The following SACM1L variants were observed in gnomAD, a reference collection of about 807,000 sequenced individuals.
The protein encoded by SACM1L is SAC1 like phosphatidylinositide phosphatase.
A neutral mutation model predicts 89.5 loss-of-function variants in SACM1L; 32 were observed. The observed-to-expected ratio is 0.36, with a 90% CI of 0.27 to 0.48. The LOEUF is 0.48. SACM1L is among the 20% of genes least tolerant of loss of function. SACM1L has a pLI of 0.99. For missense variants in SACM1L, 543 were observed against 708.5 expected (o/e 0.77, Z 2.65); for synonymous variants, 213 against 232.8 (o/e 0.92, Z 0.77).
intron 11 of SACM1L, among the ~76,000 whole-genome samples, chr3:45,731,034 G>T (rs1466092398): frequency 6.6e-6 from 1 of 152,204 alleles, no homozygotes; most frequent in Non-Finnish European, 1.5e-5. Flanking sequence ...CTGAGGAGGG[G>T]CTGGGTCAAG....
chr3:45,717,104 G>A (rs965068541), intron 7 of SACM1L, among the ~76,000 whole-genome samples: 1 of 152,204 alleles, frequency 6.6e-6, no homozygotes, highest in African/African-American at 2.4e-5. Flanking sequence ...AAAGGAAAGT[G>A]AATTGGGAGC....
chr3:45,721,890 C>A, intron 8 of SACM1L, 110 bp from the exon 9 acceptor site: 1 of 674,320 alleles, frequency 1.5e-6, no homozygotes, highest in Non-Finnish European at 2.5e-6. Flanking sequence ...ATGACTTTTC[C>A]ACTAACTTGA....
intron 13 of SACM1L, among the ~76,000 whole-genome samples, chr3:45,733,073 G>A (rs1373310283): frequency 6.6e-6 from 1 of 152,166 alleles, no homozygotes; most frequent in East Asian, 1.9e-4. Context: ...GAAAACATTG[G>A]CTGGCCCTGG....
At chr3:45,708,250 T>G (rs1007138209) in intron 4 of SACM1L, among the ~76,000 whole-genome samples, 3 of 152,154 alleles carry the variant, frequency 2.0e-5, no homozygotes, top group African/African-American at 7.2e-5. Flanking sequence ...ACAGGATCTG[T>G]TTTTGCTCGG....
Position 45,723,504 on chromosome 3 carries a change from C to T in SACM1L, c.882C>T (p.Ser294=). 6.6e-7 allele frequency: 1 copy of T among 1,506,522 alleles called. No individual in the cohort carries two copies. The highest frequency in any genetic ancestry group is 8.9e-7 in the Non-Finnish European group (1 of 1,119,030). 93.3% of individuals were successfully genotyped at this position (1,506,522 alleles called of 1,614,324 possible). The change falls in exon 11 of 20, where the codon TCC becomes TCT. Residue 294 remains serine (S), a synonymous_variant. Coordinates refer to ENST00000389061, the MANE Select transcript of SACM1L (RefSeq NM_014016.5). Reference sequence around the variant, plus strand: ...ACGGTTTCCAAAGGCATTTTGATTCCCAAGTAATTATTTATGGAAAACAAG... The same window carrying T: ...ACGGTTTCCAAAGGCATTTTGATTCTCAAGTAATTATTTATGGAAAACAAG... ...HMDGFQRHFD[S]QVIIYGKQVI...
At chr3:45,735,082 A>G (rs1699169968) in intron 13 of SACM1L, 153 bp from the exon 14 acceptor site, 2 of 680,142 alleles carry the variant, frequency 2.9e-6, no homozygotes, top group African/African-American at 1.8e-5. Flanking sequence ...TTGGTCTAGG[A>G]TAATCACATA....
At chr3:45,739,928 A>G (rs770219523) in intron 19 of SACM1L, 9 of 440,322 alleles carry the variant, frequency 2.0e-5, no homozygotes, top group Non-Finnish European at 3.3e-5. Context: ...TAGAGGCTTA[A>G]TTTGCCAAGG....
At chr3:45,711,575 A>G (rs1444892578) in intron 5 of SACM1L, among the ~76,000 whole-genome samples, 2 of 152,010 alleles carry the variant, frequency 1.3e-5, no homozygotes, top group Non-Finnish European at 2.9e-5. Flanking sequence ...TGCTGTCATC[A>G]CGCCACTGCA....
chr3:45,709,446 C>A, intron 4 of SACM1L, 52 bp from the exon 5 acceptor site: 1 of 1,457,982 alleles, frequency 6.9e-7, no homozygotes, highest in Non-Finnish European at 9.4e-7. Context: ...TTTTCTCATG[C>A]TGGCAGATTC....
intron 5 of SACM1L, 43 bp from the exon 6 acceptor site, chr3:45,713,094 G>T: frequency 6.7e-7 from 1 of 1,502,594 alleles, no homozygotes; most frequent in Middle Eastern, 1.7e-4. Flanking sequence ...TAGAAAGTAA[G>T]CTTGGCAGGA....
chr3:45,743,878 T>A lies in SACM1L; in HGVS notation c.*209T>A. The A allele has an allele frequency of 2.4e-6, 1 of 419,328 alleles. No homozygotes were observed. The highest frequency in any genetic ancestry group is 3.7e-5 in the East Asian group (1 of 27,074). 26.0% of individuals were successfully genotyped at this position (419,328 alleles called of 1,614,324 possible). A position where few individuals can be genotyped will look rare whatever the true frequency, so the allele number is the denominator to read the frequency against. ...CTATTGGGACAGTTAGATTTATAAT[T>A]TGAAGCTATTCTGTAATTAAAATAT... On this transcript the variant is annotated 3_prime_UTR_variant, in exon 20 of 20. Coordinates refer to ENST00000389061, the MANE Select transcript of SACM1L (RefSeq NM_014016.5).
At chr3:45,690,114 C>G (rs1697938243) in intron 1 of SACM1L, 1 of 152,226 alleles carries the variant, frequency 6.6e-6, no homozygotes, top group Admixed American at 6.5e-5. Context: ...AGGCTAATCT[C>G]GGTAATTTTG....
chr3:45,722,219 AGTTCACCCC>A, intron 9 of SACM1L, 134 bp downstream of exon 9: 1 of 606,376 alleles, frequency 1.6e-6, no homozygotes, highest in African/African-American at 1.9e-5. Flanking sequence ...GTGCAGAAAA[AGTTCACCCC>A]AAAAAAGGAA....
chr3:45,722,140 A>T lies in SACM1L; in HGVS notation c.765+55A>T, dbSNP rs181141393. 1.5e-4 allele frequency: 156 copies of T among 1,037,886 alleles called. No homozygotes were observed. In the African/African-American group the frequency reaches 1.6e-3, roughly 11 times the overall value. 64.3% of individuals were successfully genotyped at this position (1,037,886 alleles called of 1,614,324 possible). On this transcript the variant is annotated intron_variant, in intron 9 of 19. Coordinates refer to ENST00000389061, the MANE Select transcript of SACM1L (RefSeq NM_014016.5). ...CGAGTTGGCCTTTTCTGCTTGGATT[A>T]TAATTTTCTGTCATGTTGAAATTTC... is the stretch of plus-strand genomic sequence containing the variant.
intron 2 of SACM1L, among the ~76,000 whole-genome samples, chr3:45,704,136 TA>T (rs1698333895): frequency 6.6e-6 from 1 of 152,204 alleles, no homozygotes; most frequent in Non-Finnish European, 1.5e-5. Flanking sequence ...TCCAAATAGA[TA>T]AATACGAAAT....
intron 11 of SACM1L, among the ~76,000 whole-genome samples, chr3:45,724,076 A>G (rs1165613535): frequency 6.6e-6 from 1 of 152,066 alleles, no homozygotes. Flanking sequence ...TAATGTTGCT[A>G]TGAACATTGG....
Position 45,743,712 on chromosome 3 carries a change from G to A in SACM1L, c.*43G>A. On this transcript the variant is annotated 3_prime_UTR_variant, in exon 20 of 20. Transcript: ENST00000389061. ...GCGGCTTGGCTTGGAAGATTCCATTGTGCAGAACTGGAGTCTTTACTGACC... is the reference window on the plus strand; with the variant it reads ...GCGGCTTGGCTTGGAAGATTCCATTATGCAGAACTGGAGTCTTTACTGACC... 5.6e-6 allele frequency: 9 copies of A among 1,593,050 alleles called. No homozygotes were observed. Among genetic ancestry groups the A allele is most frequent in the Non-Finnish European group, 7.7e-6 (9 of 1,170,356 alleles).
At chr3:45,728,636 ATAAT>A (rs1698980695) in intron 11 of SACM1L, among the ~76,000 whole-genome samples, 1 of 152,156 alleles carries the variant, frequency 6.6e-6, no homozygotes, top group South Asian at 2.1e-4. Flanking sequence ...ACATCAATAT[ATAAT>A]TATTTTTATG....
intron 1 of SACM1L, among the ~76,000 whole-genome samples, chr3:45,700,384 C>T (rs982075890): frequency 6.6e-6 from 1 of 152,174 alleles, no homozygotes; most frequent in Non-Finnish European, 1.5e-5. Context: ...ATGGACTTCA[C>T]TCTGTGGTCA....
Sources: allele counts gnomAD v4.1 joint callset (sites outside exome capture counted in the v4.1 genomes callset), GRCh38; gene constraint gnomAD v4.1.1; transcripts MANE v1.5; gene names NCBI Gene and HGNC (gene_info 2026-07-23, HGNC 2026-07-21).